PRRC2A: variants seen among roughly 807,000 people sequenced by gnomAD.
The protein encoded by PRRC2A is proline rich coiled-coil 2A.
PRRC2A carries 59 observed loss-of-function variants against 224.6 expected under a neutral mutation model. The ratio of observed to expected loss-of-function variants is 0.26; its 90% CI spans 0.21 to 0.33. PRRC2A has a LOEUF of 0.33. PRRC2A is among the 10% of genes least tolerant of loss of function. PRRC2A has a pLI of 1.00. For synonymous variants in PRRC2A, 1,194 were observed against 1,109.5 expected (o/e 1.08, Z -1.51); for missense variants, 3,095 against 2,880.7 (o/e 1.07, Z -1.70).
In PRRC2A at chr6:31,627,738, G is replaced by C; in HGVS notation, c.1291-27G>C. On this transcript the variant is annotated intron_variant, in intron 11 of 30. Coordinates refer to ENST00000376033, the MANE Select transcript of PRRC2A (RefSeq NM_004638.4). The surrounding 1 kb of genome is among the most constrained non-coding windows in gnomAD (Gnocchi z 5.6). ...GAAAGCATAGTAACTGATTCCCCTG[G>C]CCCTGCTGGGTCTTGCCAATTGACA... 6.2e-7 allele frequency: 1 copy of C among 1,606,764 alleles called. No homozygotes were observed. Among genetic ancestry groups the C allele is most frequent in the Non-Finnish European group, 8.5e-7 (1 of 1,175,918 alleles).
chr6:31,635,436 G>A lies in PRRC2A; in HGVS notation c.5344G>A (p.Glu1782Lys). Reference sequence around the variant, plus strand: ...AGTGGTAGGAGACAGCTTGAAAGCAGAGAAGGAGCTAACAGCATCAGTCAC... The same window carrying A: ...AGTGGTAGGAGACAGCTTGAAAGCAAAGAAGGAGCTAACAGCATCAGTCAC... Reference protein sequence around the residue: ...RLVVGDSLKAEKELTASVTEA... With the variant: ...RLVVGDSLKAKKELTASVTEA... Residue 1782 changes from glutamate to lysine, a missense_variant, in exon 23 of 31, where the codon GAG becomes AAG. Around this residue, in one of 8 missense-constraint regions of PRRC2A, gnomAD observed 662 missense variants for 609.5 expected, o/e 1.09. Transcript: ENST00000376033. 1 of 1,614,256 alleles carries A rather than the reference G, an allele frequency of 6.2e-7. No homozygotes were observed. Among genetic ancestry groups the A allele is most frequent in the South Asian group, 1.1e-5 (1 of 91,088 alleles).
rs758618469 is a variant in PRRC2A at position 31,624,493 on chromosome 6, C to T, written c.434C>T (p.Ala145Val). ...AGCGGGGTAAAGTCCTGGGCACAAG[C>T]CAGCGTCACCCATGGAGCACATGGA... ...VPSGVKSWAQ[A>V]SVTHGAHGDG... The change falls in exon 5 of 31, where the codon GCC becomes GTC. Residue 145 changes from alanine to valine, a missense_variant. Transcript: ENST00000376033. 1 of 1,613,710 alleles carries T rather than the reference C, an allele frequency of 6.2e-7. No homozygotes were observed. The highest frequency in any genetic ancestry group is 8.5e-7 in the Non-Finnish European group (1 of 1,179,582).
chr6:31,631,807 G>A lies in PRRC2A; in HGVS notation c.3134G>A (p.Arg1045Gln), dbSNP rs760220541. ...GGTTTTCGGGGGACCTATGGGGGACGAGGGCGGGGAGCCCGAAGCCGGGAA... is the reference window on the plus strand; with the variant it reads ...GGTTTTCGGGGGACCTATGGGGGACAAGGGCGGGGAGCCCGAAGCCGGGAA... The part of the protein sequence containing the change: ...GRGFRGTYGG[R>Q]GRGARSREFR... Residue 1045 changes from arginine to glutamine, a missense_variant, in exon 16 of 31, where the codon CGA (arginine) becomes CAA (glutamine). By Grantham distance (43) the Arg-to-Gln change is conservative (BLOSUM62 1). Coordinates refer to ENST00000376033, the MANE Select transcript of PRRC2A (RefSeq NM_004638.4). This position sits in a 1 kb window ranked among gnomAD's most constrained non-coding sequence, Gnocchi z 4.5. 4.2e-5 allele frequency: 66 copies of A among 1,586,812 alleles called. 1 individual carries two copies. Among genetic ancestry groups the A allele is most frequent in the South Asian group, 2.3e-5 (2 of 87,768 alleles).
chr6:31,624,235 A>G (rs762059180), intron 3 of PRRC2A, 26 bp from the exon 4 acceptor site: 5 of 1,605,556 alleles, frequency 3.1e-6, no homozygotes, highest in Non-Finnish European at 3.4e-6. Context: ...TCAGGTGTGA[A>G]TAACCTTCCC....
chr6:31,634,644 C>T, intron 20 of PRRC2A, 87 bp downstream of exon 20: 1 of 1,576,600 alleles, frequency 6.3e-7, no homozygotes, highest in Non-Finnish European at 8.7e-7. Flanking sequence ...GAGTCTGGAG[C>T]TGTTCTCTCA....
rs765440405 is a variant in PRRC2A, at chr6:31,637,310, G to A, written c.6319G>A (p.Asp2107Asn). ...TGGAGTCTTCCGCACCCAGCGCGTC[G>A]ACCTTTACCAGCAGGTGAAGGAGAA... ...YSGVFRTQRV[D>N]LYQQASPPDA... The change falls in exon 30 of 31, where the codon GAC becomes AAC. Residue 2107 changes from aspartate (D) to asparagine (N), a missense_variant. Asp to Asn is a conservative substitution (Grantham distance 23, BLOSUM62 1). This residue lies in a region of PRRC2A where 662 missense variants were observed against 609.5 expected (regional missense o/e 1.09). Transcript: ENST00000376033. The A allele has an allele frequency of 6.2e-6, 10 of 1,611,716 alleles. No individual in the cohort carries two copies. Among genetic ancestry groups the A allele is most frequent in the African/African-American group, 2.7e-5 (2 of 74,882 alleles).
Position 31,631,903 on chromosome 6 carries a change from C to G in PRRC2A, c.3230C>G (p.Pro1077Arg), listed in dbSNP as rs758794135. 1.2e-6 allele frequency: 2 copies of G among 1,611,928 alleles called. No individual in the cohort carries two copies. Among genetic ancestry groups the G allele is most frequent in the African/African-American group, 2.7e-5 (2 of 74,914 alleles). ...GGGTGGPNHP[P>R]APRGRTASET... Reference sequence around the variant, plus strand: ...GGGACAGGGGGACCAAACCACCCTCCTGCTCCCCGAGGCCGCACTGCCAGC... The same window carrying G: ...GGGACAGGGGGACCAAACCACCCTCGTGCTCCCCGAGGCCGCACTGCCAGC... Residue 1077 changes from proline (P) to arginine (R), a missense_variant, in exon 16 of 31, where the codon CCT becomes CGT. Pro to Arg is a moderately radical substitution (Grantham distance 103). This residue lies in a region of PRRC2A where 2,001 missense variants were observed against 1,764.9 expected (regional missense o/e 1.13). Transcript: ENST00000376033. This position sits in a 1 kb window ranked among gnomAD's most constrained non-coding sequence, Gnocchi z 4.5.
chr6:31,626,831 C>T lies in PRRC2A; in HGVS notation c.1042C>T (p.Arg348Ter), dbSNP rs1242117023. Residue 348 changes from arginine (R) to a stop codon, truncating the protein, a stop_gained, in exon 10 of 31, where the codon CGA (arginine) becomes TGA (stop). Transcript: ENST00000376033. LOFTEE classifies it high-confidence loss of function. ...KLKFSDEEDGRDSDEEGAEGH... is the reference protein window; with the variant it reads ...KLKFSDEEDG ...CAAGTTCAGCGATGAGGAAGATGGG[C>T]GAGACTCTGATGAGGAGGGTGCTGA... 4 of 1,604,096 alleles carry T rather than the reference C, an allele frequency of 2.5e-6. No individual in the cohort carries two copies. Among genetic ancestry groups the T allele is most frequent in the Non-Finnish European group, 3.4e-6 (4 of 1,175,816 alleles).
rs1776247724 is a variant in PRRC2A at position 31,629,128 on chromosome 6, G to GT, written c.1766-10dup. On this transcript the variant is annotated splice_polypyrimidine_tract_variant and intron_variant, in intron 12 of 30. Transcript: ENST00000376033. The stretch of plus-strand genomic sequence containing the variant: ...TTGTTGGACTAGATCACTCTGTTGT[G>GT]TTTTTTCCGATGCAGTGGAACCACA... 3.7e-6 allele frequency: 6 copies of GT among 1,613,724 alleles called. No homozygotes were observed. Among genetic ancestry groups the GT allele is most frequent in the Non-Finnish European group, 5.1e-6 (6 of 1,179,878 alleles).
chr6:31,628,012 C>T lies in PRRC2A; in HGVS notation c.1538C>T (p.Ala513Val). The T allele has an allele frequency of 4.4e-6, 7 of 1,608,906 alleles. No homozygotes were observed. Among genetic ancestry groups the T allele is most frequent in the Non-Finnish European group, 5.9e-6 (7 of 1,177,492 alleles). ...RLKAEPAAPP[A>V]APSTPAPPPA... ...AAAGCAGAGCCTGCTGCCCCACCTG[C>T]TGCCCCTTCTACCCCAGCTCCACCA... The change falls in exon 12 of 31, where the codon GCT becomes GTT. Residue 513 changes from alanine to valine, a missense_variant. Ala to Val is a moderately conservative substitution (Grantham distance 64). Transcript: ENST00000376033.
chr6:31,630,046 G>C (rs140810510), intron 14 of PRRC2A, among the ~76,000 whole-genome samples: 1 of 152,358 alleles, frequency 6.6e-6, no homozygotes, highest in African/African-American at 2.4e-5. Flanking sequence ...GCCAGGCATT[G>C]TGGCTCACGC....
chr6:31,632,237 A>G lies in PRRC2A; in HGVS notation c.3564A>G (p.Pro1188=). The G allele has an allele frequency of 6.2e-7, 1 of 1,612,862 alleles. No homozygotes were observed. The highest frequency in any genetic ancestry group is 8.5e-7 in the Non-Finnish European group (1 of 1,179,934). ...AAGTTTGCCCAGGCTGGAGCCCTCC[A>G]GCCAAGTCTCTGGCTCCCAAGAAAC... ...PPQVCPGWSP[P]AKSLAPKKPP... The change falls in exon 16 of 31, where the codon CCA becomes CCG. Residue 1188 remains proline, a synonymous_variant. Transcript: ENST00000376033.
rs760346848 is a variant in PRRC2A, at chr6:31,630,698, A to G, written c.2362A>G (p.Lys788Glu). The part of the protein sequence containing the change: ...RERGTPPVDP[K>E]LAWVGDVFTA... The stretch of plus-strand genomic sequence containing the variant: ...ACGGGGCACTCCACCGGTGGATCCA[A>G]AGTTGGCCTGGGTAGGAGATGTCTT... The change falls in exon 15 of 31, where the codon AAG becomes GAG. Residue 788 changes from lysine to glutamate, a missense_variant. Transcript: ENST00000376033. 4 of 1,614,020 alleles carry G rather than the reference A, an allele frequency of 2.5e-6. No homozygotes were observed. Among genetic ancestry groups the G allele is most frequent in the Admixed American group, 1.7e-5 (1 of 60,000 alleles).
At chr6:31,624,767 G>T (rs1775704956) in intron 5 of PRRC2A, 2 of 585,954 alleles carry the variant, frequency 3.4e-6, no homozygotes, top group Non-Finnish European at 6.1e-6. Context: ...TTGAAGGCGG[G>T]AAACCTGATG....
chr6:31,633,455 G>C lies in PRRC2A; in HGVS notation c.4396G>C (p.Asp1466His). The C allele has an allele frequency of 6.2e-7, 1 of 1,613,052 alleles. No individual in the cohort carries two copies. Among genetic ancestry groups the C allele is most frequent in the Non-Finnish European group, 8.5e-7 (1 of 1,180,014 alleles). Residue 1466 changes from aspartate to histidine, a missense_variant, in exon 17 of 31, where the codon GAC becomes CAC. By Grantham distance (81) the Asp-to-His change is moderately conservative. This residue lies in a region of PRRC2A where 2,001 missense variants were observed against 1,764.9 expected (regional missense o/e 1.13). Transcript: ENST00000376033. ...PPSSSAVFRL[D>H]QVIHSNPAGI... The stretch of plus-strand genomic sequence containing the variant: ...CAGCAGTTCTGCTGTCTTCCGCCTG[G>C]ACCAAGTTATCCACAGCAACCCTGC...
intron 12 of PRRC2A, 200 bp from the exon 13 acceptor site, chr6:31,628,944 A>C: frequency 1.8e-6 from 1 of 568,946 alleles, no homozygotes; most frequent in Non-Finnish European, 3.1e-6. Context: ...TTTCATAGAA[A>C]GTTAATGCCA....
In PRRC2A at chr6:31,635,767, T is replaced by C; in HGVS notation, c.5541+18T>C. ...GTTCTCAGGTAGGCCCCGCTTCCCA[T>C]TGCATGACCCCTTCAGTGAATAATA... On this transcript the variant is annotated intron_variant, in intron 24 of 30. Coordinates refer to ENST00000376033, the MANE Select transcript of PRRC2A (RefSeq NM_004638.4). 6.4e-7 allele frequency: 1 copy of C among 1,566,008 alleles called. No individual in the cohort carries two copies. Among genetic ancestry groups the C allele is most frequent in the African/African-American group, 1.4e-5 (1 of 72,718 alleles).
rs1776081762 is a variant in PRRC2A at position 31,627,823 on chromosome 6, G to A, written c.1349G>A (p.Arg450Gln). 2.5e-6 allele frequency: 4 copies of A among 1,612,984 alleles called. No individual in the cohort carries two copies. Among genetic ancestry groups the A allele is most frequent in the Admixed American group, 1.7e-5 (1 of 60,016 alleles). Reference protein sequence around the residue: ...PAPEDEDEAWRQRRKQSSSEI... With the variant: ...PAPEDEDEAWQQRRKQSSSEI... ...CCTGAAGATGAGGATGAGGCATGGC[G>A]GCAGCGACGAAAGCAGTCGTCATCT... Residue 450 changes from arginine (R) to glutamine (Q), a missense_variant, in exon 12 of 31, where the codon CGG becomes CAG. By Grantham distance (43) the Arg-to-Gln change is conservative. Coordinates refer to ENST00000376033, the MANE Select transcript of PRRC2A (RefSeq NM_004638.4). This position sits in a 1 kb window ranked among gnomAD's most constrained non-coding sequence, Gnocchi z 5.6.
rs1411423100 is a variant in PRRC2A, at chr6:31,624,346, C to A, written c.376C>A (p.Pro126Thr). 2 of 1,614,034 alleles carry A rather than the reference C, an allele frequency of 1.2e-6. No individual in the cohort carries two copies. The highest frequency in any genetic ancestry group is 4.5e-5 in the East Asian group (2 of 44,886). Residue 126 changes from proline (P) to threonine (T), a missense_variant, in exon 4 of 31, where the codon CCA becomes ACA. Physicochemically the swap from Pro to Thr is conservative, Grantham distance 38. Transcript: ENST00000376033. ...TGCCTCCAACCAGCCGAAACGACCC[C>A]CAGCAGCCCCCGAGGTACCTGGAGA... ...TPASNQPKRPPAAPENTPLVP... is the reference protein window; with the variant it reads ...TPASNQPKRPTAAPENTPLVP...
Sources: gnomAD v4.1 joint callset for allele counts (sites outside exome capture counted in the v4.1 genomes callset) on GRCh38, gnomAD v4.1.1 for gene constraint, gnomAD v4.1.1 regional missense constraint, Gnocchi (gnomAD v3.1) non-coding constraint, MANE v1.5 for transcripts, NCBI Gene and HGNC (gene_info 2026-07-23, HGNC 2026-07-21) for gene names.